Variants in PIF1 observed in about 807,000 individuals in gnomAD.
The protein encoded by PIF1 is ATP-dependent DNA helicase PIF1.
Under a neutral mutation model 62.3 loss-of-function variants are expected in PIF1, and 67 were observed. The ratio of observed to expected loss-of-function variants is 1.08; its 90% CI spans 0.88 to 1.32. The LOEUF is 1.32. PIF1 is among the 40% of genes most tolerant of loss of function. The pLI, the probability that PIF1 is intolerant of heterozygous loss-of-function variation, is 0.00. For missense variants in PIF1, 886 were observed against 866.1 expected, an observed-to-expected ratio of 1.02 and a Z score of -0.29; for synonymous variants, 364 against 379.5, an observed-to-expected ratio of 0.96 and a Z score of 0.47.
chr15:64,816,474 T>C, intron 12 of PIF1, 100 bp downstream of exon 12: 1 of 1,593,426 alleles, frequency 6.3e-7, no homozygotes, highest in South Asian at 1.1e-5. Flanking sequence ...GCAGAGGGCT[T>C]TTCTGCCCCC....
rs899463927 is a variant in PIF1 at position 64,823,624 on chromosome 15, A to G, written c.558+154T>C. 30 of 475,690 alleles carry G rather than the reference A, an allele frequency of 6.3e-5. No individual in the cohort carries two copies. The East Asian group carries it at 1.0e-3, about 16-fold the overall frequency. 29.5% of individuals were successfully genotyped at this position (475,690 alleles called of 1,614,324 possible). ...TCTCAGGGATTACACTATAACAACC[A>G]CAGGCACAATTCCCACACCCCTGTC... On this transcript the variant is annotated intron_variant, in intron 2 of 12. Transcript: ENST00000559239.
rs1458494018 is a variant in PIF1 at position 64,820,881 on chromosome 15, G to A, written c.1193+101C>T. ...CCTGCATGGAGTGCTTGCTCCTGAG[G>A]GTAACAATTCTACCCCTTCTGTGAG... is the stretch of plus-strand genomic sequence containing the variant. On this transcript the variant is annotated intron_variant, in intron 7 of 12. Coordinates refer to ENST00000559239, the MANE Select transcript of PIF1 (RefSeq NM_001286496.2). 6.6e-6 allele frequency: 7 copies of A among 1,064,746 alleles called. No homozygotes were observed. The Admixed American group carries it at 1.2e-4, about 18-fold the overall frequency. The allele number at this position is 1,064,746 out of a possible 1,614,324, so 66.0% of individuals were successfully genotyped here. A position where few individuals can be genotyped will look rare whatever the true frequency, so the allele number is the denominator to read the frequency against.
At chr15:64,819,337 G>A (rs2084248149) in intron 8 of PIF1, 114 bp from the exon 9 acceptor site, 1 of 736,642 alleles carries the variant, frequency 1.4e-6, no homozygotes, top group African/African-American at 1.9e-5. Flanking sequence ...TTGAGAAGGA[G>A]TTTCGCTCTG....
At chr15:64,821,771 G>C (rs1030111755) in intron 4 of PIF1, 25 of 434,140 alleles carry the variant, frequency 5.8e-5, no homozygotes, top group Non-Finnish European at 9.0e-5. Flanking sequence ...ATGGAGTCTC[G>C]CTGTGTCGCC....
At chr15:64,822,430 C>G in intron 3 of PIF1, 39 bp from the exon 4 acceptor site, 1 of 1,614,178 alleles carries the variant, frequency 6.2e-7, no homozygotes. Flanking sequence ...CCCTGTTCCT[C>G]TATCCCACCC....
At chr15:64,824,948 C>G (rs1040826100) in intron 1 of PIF1, among the ~76,000 whole-genome samples, 1 of 149,896 alleles carries the variant, frequency 6.7e-6, no homozygotes, top group African/African-American at 2.5e-5. Flanking sequence ...TTCTATATAT[C>G]CAATTTCTAT....
chr15:64,816,876 C>T (rs757516382), intron 11 of PIF1, 111 bp from the exon 12 acceptor site: 1 of 1,012,592 alleles, frequency 9.9e-7, no homozygotes, highest in Non-Finnish European at 1.4e-6. Flanking sequence ...TCGTCCAGTC[C>T]AGAGAGTCTC....
Position 64,824,146 on chromosome 15 carries a change from C to A in PIF1, c.190G>T (p.Gly64Trp), listed in dbSNP as rs1043812042. The change falls in exon 2 of 13, where the codon GGG (glycine) becomes TGG (tryptophan). Residue 64 changes from glycine to tryptophan, a missense_variant. Coordinates refer to ENST00000559239, the MANE Select transcript of PIF1 (RefSeq NM_001286496.2). ...CGCAGAGGAAAGCAGCGCGGCCGCC[C>A]CGCGGGCCCTGGCGCTTGCAGCCGC... ...MLRLQAPGPA[G>W]RPRCFPLRAA... The A allele has an allele frequency of 7.7e-7, 1 of 1,294,024 alleles. No homozygotes were observed. The highest frequency in any genetic ancestry group is 2.4e-5 in the South Asian group (1 of 42,008). 80.2% of individuals were successfully genotyped at this position (1,294,024 alleles called of 1,614,324 possible). A position where few individuals can be genotyped will look rare whatever the true frequency, so the allele number is the denominator to read the frequency against.
intron 7 of PIF1, among the ~76,000 whole-genome samples, chr15:64,820,194 T>C (rs547353743): frequency 6.6e-6 from 1 of 152,310 alleles, no homozygotes; most frequent in South Asian, 2.1e-4. Flanking sequence ...GGCAGGGTAC[T>C]GAGCTTTGAT....
chr15:64,818,943 A>G, intron 9 of PIF1, 174 bp downstream of exon 9: 1 of 491,202 alleles, frequency 2.0e-6, no homozygotes, highest in South Asian at 3.9e-5. Context: ...GAAGAGAAAA[A>G]CAGTAGAAAG....
At chr15:64,822,989 G>A (rs1483952933) in intron 2 of PIF1, among the ~76,000 whole-genome samples, 1 of 152,058 alleles carries the variant, frequency 6.6e-6, no homozygotes, top group African/African-American at 2.4e-5. Context: ...TGTCTAGCCA[G>A]GGCCCCTTCT....
chr15:64,823,952 CG>C lies in PIF1; in HGVS notation c.383del (p.Pro128ArgfsTer45). 3.1e-6 allele frequency: 4 copies of C among 1,306,012 alleles called. No homozygotes were observed. The highest frequency in any genetic ancestry group is 2.3e-5 in the South Asian group (1 of 43,530). The allele number at this position is 1,306,012 out of a possible 1,614,324, so 80.9% of individuals were successfully genotyped here. A position where few individuals can be genotyped will look rare whatever the true frequency, so the allele number is the denominator to read the frequency against. On this transcript the variant is annotated frameshift_variant, in exon 2 of 13. Coordinates refer to ENST00000559239, the MANE Select transcript of PIF1 (RefSeq NM_001286496.2). LOFTEE classifies it high-confidence loss of function. ...RTLRLKLAAA[P>X]GPGPASARAQ... ...CTCGGGCGGAGGCCGGCCCGGGACC[CG>C]GGGCCGCAGCCAGCTTGAGGCGCAA...
intron 9 of PIF1, 158 bp downstream of exon 9, chr15:64,818,959 G>A: frequency 2.0e-6 from 1 of 499,422 alleles, no homozygotes; most frequent in Non-Finnish European, 3.5e-6. Flanking sequence ...GAAAGCTTAA[G>A]ATGGGAAGGT....
chr15:64,818,702 C>T (rs2084233633), intron 9 of PIF1: 2 of 328,166 alleles, frequency 6.1e-6, no homozygotes, highest in Non-Finnish European at 1.1e-5. Context: ...CCACCCCTCT[C>T]AGATACACTG....
At position 64,818,085 on chromosome 15, in the gene PIF1, G is replaced by C. The variant is rs1271200212; in HGVS notation, c.1535C>G (p.Pro512Arg). 1.9e-6 allele frequency: 3 copies of C among 1,613,860 alleles called. No individual in the cohort carries two copies. Among genetic ancestry groups the C allele is most frequent in the Non-Finnish European group, 2.5e-6 (3 of 1,179,924 alleles). The change falls in exon 11 of 13, where the codon CCC becomes CGC. Residue 512 changes from proline (P) to arginine (R), a missense_variant. Physicochemically the swap from Pro to Arg is moderately radical, Grantham distance 103. Coordinates refer to ENST00000559239, the MANE Select transcript of PIF1 (RefSeq NM_001286496.2). ...GACTCCACACAGGAACCGCACCTGGGGTAGCCCTAAGGAGAGCATGGAGCA... is the reference window on the plus strand; with the variant it reads ...GACTCCACACAGGAACCGCACCTGGCGTAGCCCTAAGGAGAGCATGGAGCA... Reference protein sequence around the residue: ...VGFEAEGRGLPQVRFLCGVTE... With the variant: ...VGFEAEGRGLRQVRFLCGVTE...
chr15:64,815,878 C>A lies in PIF1; in HGVS notation c.*420G>T. On this transcript the variant is annotated 3_prime_UTR_variant, in exon 13 of 13. Coordinates refer to ENST00000559239, the MANE Select transcript of PIF1 (RefSeq NM_001286496.2). ...GGAGGCTGCACCCAGCCTGAGTCCC[C>A]ACCAGTCCCCTCCAAGAGCCCTGAT... 1 of 1,550,670 alleles carries A rather than the reference C, an allele frequency of 6.4e-7. No homozygotes were observed. Among genetic ancestry groups the A allele is most frequent in the African/African-American group, 1.4e-5 (1 of 73,180 alleles).
At chr15:64,816,504 C>T (rs1180252202) in intron 12 of PIF1, 70 bp downstream of exon 12, 13 of 1,595,574 alleles carry the variant, frequency 8.1e-6, no homozygotes, top group East Asian at 6.7e-5. Context: ...CCCACTGGGC[C>T]GGCGCTCCCT....
At chr15:64,822,424 G>C (rs1305345622) in intron 3 of PIF1, 33 bp from the exon 4 acceptor site, 1 of 1,614,154 alleles carries the variant, frequency 6.2e-7, no homozygotes, top group Admixed American at 1.7e-5. Context: ...AGGTCTCCCT[G>C]TTCCTCTATC....
At chr15:64,823,715 T>C (rs758500085) in intron 2 of PIF1, 63 bp downstream of exon 2, 2 of 1,214,198 alleles carry the variant, frequency 1.6e-6, no homozygotes, top group African/African-American at 1.6e-5. Flanking sequence ...GGTCTCTAGG[T>C]CTCTGCCATC....
Sources: gnomAD v4.1 joint callset for allele counts (sites outside exome capture counted in the v4.1 genomes callset) on GRCh38, gnomAD v4.1.1 for gene constraint, MANE v1.5 for transcripts, NCBI Gene and HGNC (gene_info 2026-07-23, HGNC 2026-07-21) for gene names.